Variants in FOXP1 observed in about 807,000 individuals in gnomAD.
FOXP1 encodes forkhead box protein P1.
In FOXP1, 15 loss-of-function variants were observed where a neutral mutation model predicts 98.2. The observed-to-expected ratio is 0.15, with a 90% confidence interval of 0.10 to 0.24. The LOEUF (loss-of-function observed/expected upper bound fraction) is 0.24, where lower values mean the gene tolerates loss of function less well. Ranked by LOEUF, FOXP1 falls within the 10% of genes least tolerant of loss-of-function variation. FOXP1 has a pLI of 1.00. For missense variants in FOXP1, 633 were observed against 848.5 expected, an observed-to-expected ratio of 0.75 and a Z score of 3.15; for synonymous variants, 371 against 314.5, an observed-to-expected ratio of 1.18 and a Z score of -1.90.
intron 3 of FOXP1, among the ~76,000 whole-genome samples, chr3:71,450,566 G>T (rs1402255254): frequency 6.6e-6 from 1 of 152,156 alleles, no homozygotes; most frequent in African/African-American, 2.4e-5. Flanking sequence ...GAACATAATA[G>T]TTCCTAATGT....
At chr3:71,496,471 T>C (rs1363947404) in intron 2 of FOXP1, among the ~76,000 whole-genome samples, 1 of 151,994 alleles carries the variant, frequency 6.6e-6, no homozygotes, top group Non-Finnish European at 1.5e-5. Flanking sequence ...GGAGTTTCGT[T>C]TTCATTCGGA....
At chr3:70,985,732 C>G (rs2039623590) in intron 14 of FOXP1, among the ~76,000 whole-genome samples, 1 of 151,690 alleles carries the variant, frequency 6.6e-6, no homozygotes, top group South Asian at 2.1e-4. Flanking sequence ...TTTACATAAA[C>G]TAATCCAAAC....
intron 7 of FOXP1, among the ~76,000 whole-genome samples, chr3:71,107,189 C>T (rs831440): frequency 0.6 from 91,865 of 152,044 alleles, 31,570 homozygotes; most frequent in Non-Finnish European, 0.77. Flanking sequence ...ATAACAAAAA[C>T]GAACGAACTC....
intron 6 of FOXP1, among the ~76,000 whole-genome samples, chr3:71,129,867 C>G (rs1032639902): frequency 6.6e-6 from 1 of 152,194 alleles, no homozygotes; most frequent in African/African-American, 2.4e-5. Context: ...TGAAAAGAGC[C>G]TTCCAACATC....
intron 3 of FOXP1, among the ~76,000 whole-genome samples, chr3:71,407,115 T>A (rs1380267602): frequency 6.6e-6 from 1 of 152,134 alleles, no homozygotes; most frequent in Non-Finnish European, 1.5e-5. Context: ...TCCACTCTGT[T>A]TCTTGCATTG....
chr3:71,491,709 T>C (rs897285088), intron 3 of FOXP1, among the ~76,000 whole-genome samples: 3 of 152,158 alleles, frequency 2.0e-5, no homozygotes, highest in East Asian at 3.8e-4. Context: ...TTCGAGCCAA[T>C]AGCTCTTTGA....
chr3:71,237,261 A>AAAAAAAAAAAAAAAAAAC (rs2066880518), intron 5 of FOXP1, among the ~76,000 whole-genome samples: 1 of 150,522 alleles, frequency 6.6e-6, no homozygotes. Context: ...AAAAAAAAAA[A>AAAAAAAAAAAAAAAAAAC]AAAAATTGGA....
intron 3 of FOXP1, among the ~76,000 whole-genome samples, chr3:71,478,200 T>G (rs2090003227): frequency 6.6e-6 from 1 of 152,200 alleles, no homozygotes; most frequent in South Asian, 2.1e-4. Flanking sequence ...CCACCTATCT[T>G]GGACCTCTAG....
chr3:70,972,202 A>G, intron 18 of FOXP1: 1 of 1,504,126 alleles, frequency 6.6e-7, no homozygotes, highest in Non-Finnish European at 8.8e-7. Flanking sequence ...GCAGCAGCAA[A>G]GGAGATGGAG....
chr3:70,988,388 C>T (rs1036200215), intron 13 of FOXP1, among the ~76,000 whole-genome samples: 2 of 152,200 alleles, frequency 1.3e-5, no homozygotes, highest in African/African-American at 4.8e-5. Context: ...CAACCTTATT[C>T]ATGAGAAAAG....
intron 13 of FOXP1, among the ~76,000 whole-genome samples, chr3:70,988,630 A>G (rs1181857013): frequency 6.6e-6 from 1 of 152,214 alleles, no homozygotes; most frequent in Admixed American, 6.5e-5. Flanking sequence ...CATTCAATTT[A>G]CTCAAGATTT....
At position 71,561,000 on chromosome 3, in the gene FOXP1, G is replaced by A. The variant is rs957086827; in HGVS notation, c.-298+20549C>T. Among the ~76,000 whole-genome samples, 3 of 152,156 alleles carry A rather than the reference G, an allele frequency of 2.0e-5. No individual in the cohort carries two copies. In the East Asian group the frequency reaches 5.8e-4, roughly 29 times the overall value. ...ATAAAAATGTTCTAAAATTGACTGT[G>A]ATGATGTTATACAACTATGTGAATA... is the stretch of plus-strand genomic sequence containing the variant. On this transcript the variant is annotated intron_variant, in intron 2 of 20. Transcript: ENST00000649528.
intron 3 of FOXP1, among the ~76,000 whole-genome samples, chr3:71,426,605 C>T (rs2084176879): frequency 6.6e-6 from 1 of 152,110 alleles, no homozygotes; most frequent in African/African-American, 2.4e-5. Flanking sequence ...GTTTTTCCAT[C>T]CCTTCCACAC....
chr3:71,560,153 C>G (rs1014693474), intron 2 of FOXP1, among the ~76,000 whole-genome samples: 3 of 152,196 alleles, frequency 2.0e-5, no homozygotes, highest in Non-Finnish European at 1.5e-5. Context: ...ACGTGAGTCA[C>G]TAAATTATCT....
At chr3:71,217,220 G>A (rs2163729) in intron 5 of FOXP1, among the ~76,000 whole-genome samples, 49,267 of 151,818 alleles carry the variant, frequency 0.32, 9,146 homozygotes, top group Admixed American at 0.42. Context: ...TTACAGGCAT[G>A]TGCCACCACG....
At chr3:71,380,603 C>G (rs868478853) in intron 3 of FOXP1, among the ~76,000 whole-genome samples, 3 of 151,838 alleles carry the variant, frequency 2.0e-5, no homozygotes, top group Admixed American at 6.6e-5. Flanking sequence ...ACATTACCAT[C>G]GACAACACTT....
At chr3:71,414,305 C>G (rs2083028496) in intron 3 of FOXP1, among the ~76,000 whole-genome samples, 1 of 152,230 alleles carries the variant, frequency 6.6e-6, no homozygotes, top group African/African-American at 2.4e-5. Context: ...TGCAACAAGG[C>G]CACCGTCCTG....
intron 12 of FOXP1, among the ~76,000 whole-genome samples, chr3:71,002,562 C>T (rs1410285282): frequency 6.6e-6 from 1 of 152,182 alleles, no homozygotes; most frequent in African/African-American, 2.4e-5. Context: ...TTTAAAGAAG[C>T]ATGTTGTAAT....
chr3:71,104,175 G>A (rs1036599168), intron 7 of FOXP1, among the ~76,000 whole-genome samples: 1 of 152,106 alleles, frequency 6.6e-6, no homozygotes, highest in African/African-American at 2.4e-5. Context: ...AGCCTGACTC[G>A]CCCAGGCCTG....
Sources: allele counts gnomAD v4.1 joint callset (sites outside exome capture counted in the v4.1 genomes callset), GRCh38; gene constraint gnomAD v4.1.1; transcripts MANE v1.5; gene names NCBI Gene and HGNC (gene_info 2026-07-23, HGNC 2026-07-21).